The following CSMD3 variants were observed in gnomAD, a reference collection of about 807,000 sequenced individuals.
CSMD3 encodes CUB and Sushi multiple domains 3.
In CSMD3, 177 loss-of-function variants were observed where a neutral mutation model predicts 435.2. That is an observed-to-expected ratio of 0.41 (90% CI 0.36 to 0.46). CSMD3 has a LOEUF of 0.46. Among genes scored for constraint, CSMD3 ranks in the 20% least tolerant of loss-of-function variants. The pLI is 0.34. For synonymous variants in CSMD3, 1,656 were observed against 1,520.5 expected, an observed-to-expected ratio of 1.09 and a Z score of -2.07; for missense variants, 4,265 against 4,504.6, an observed-to-expected ratio of 0.95 and a Z score of 1.52.
intron 1 of CSMD3, chr8:113,377,119 C>G (rs16884568): frequency 0.08 from 100,550 of 1,259,978 alleles, 6,816 homozygotes; most frequent in African/African-American, 0.34. Context: ...CGGCGTCGTC[C>G]GGCTCTCCGG....
intron 13 of CSMD3, among the ~76,000 whole-genome samples, chr8:112,772,542 T>C (rs534578168): frequency 1.9e-4 from 29 of 152,090 alleles, no homozygotes; most frequent in Non-Finnish European, 3.5e-4. Context: ...TAGTCTGAAA[T>C]ATGGCCTCGT....
intron 12 of CSMD3, 122 bp downstream of exon 12, chr8:112,829,564 C>G (rs1739947753): frequency 1.4e-6 from 1 of 713,284 alleles, no homozygotes; most frequent in Non-Finnish European, 2.6e-6. Flanking sequence ...ACAATAATAA[C>G]TAAGTTACTG....
At chr8:112,533,464 A>T (rs924545456) in intron 27 of CSMD3, among the ~76,000 whole-genome samples, 1 of 152,106 alleles carries the variant, frequency 6.6e-6, no homozygotes, top group Non-Finnish European at 1.5e-5. Context: ...AAAGAGCAAG[A>T]GTAGCTATAC....
chr8:113,033,279 T>C (rs2087198004), intron 5 of CSMD3, among the ~76,000 whole-genome samples: 1 of 151,628 alleles, frequency 6.6e-6, no homozygotes, highest in African/African-American at 2.4e-5. Flanking sequence ...GCCACAGGCA[T>C]TCAATGCCAG....
At chr8:112,803,854 G>A (rs560674014) in intron 12 of CSMD3, among the ~76,000 whole-genome samples, 44 of 152,156 alleles carry the variant, frequency 2.9e-4, no homozygotes, top group African/African-American at 8.2e-4. Context: ...TTACAGTCCC[G>A]GGCATGGAGA....
At chr8:113,219,802 A>G (rs527664012) in intron 3 of CSMD3, among the ~76,000 whole-genome samples, 3 of 151,594 alleles carry the variant, frequency 2.0e-5, no homozygotes, top group Non-Finnish European at 1.5e-5. Flanking sequence ...TTGACCACAT[A>G]ATAACAACAG....
In CSMD3 at chr8:113,419,781, CT is replaced by C. The variant is rs903897672; in HGVS notation, c.178+16895del. Among the ~76,000 whole-genome samples, 782 of 149,084 alleles carry C rather than the reference CT, an allele frequency of 5.2e-3. 5 individuals are homozygous for C. The highest frequency in any genetic ancestry group is 0.014 in the African/African-American group (556 of 40,772). Reference sequence around the variant, plus strand: ...TATATTAGAATTATTTTTTTGCCAACTTTTTTTTTTAACCATTAGAATGAAT... The same window carrying C: ...TATATTAGAATTATTTTTTTGCCAACTTTTTTTTTAACCATTAGAATGAAT... On this transcript the variant is annotated intron_variant, in intron 1 of 70. Transcript: ENST00000297405.
chr8:113,089,290 A>C (rs2089919630), intron 5 of CSMD3, among the ~76,000 whole-genome samples: 1 of 152,184 alleles, frequency 6.6e-6, no homozygotes, highest in African/African-American at 2.4e-5. Context: ...ACTACTAGCC[A>C]ATCTGTTCTA....
chr8:112,233,943 T>C (rs1338593566), intron 68 of CSMD3, among the ~76,000 whole-genome samples: 3 of 152,204 alleles, frequency 2.0e-5, no homozygotes, highest in Non-Finnish European at 4.4e-5. Context: ...TCTGATGTAC[T>C]TTGTAAATAT....
chr8:113,082,299 C>A (rs572040372), intron 5 of CSMD3, among the ~76,000 whole-genome samples: 3 of 152,264 alleles, frequency 2.0e-5, no homozygotes, highest in Admixed American at 1.3e-4. Flanking sequence ...TGTCCACTGT[C>A]CCTGTTCCCA....
intron 10 of CSMD3, among the ~76,000 whole-genome samples, chr8:112,876,961 A>G (rs544483682): frequency 6.6e-6 from 1 of 152,302 alleles, no homozygotes; most frequent in East Asian, 1.9e-4. Flanking sequence ...CTATATACCA[A>G]CAATAGACAA....
At chr8:112,524,335 AG>A (rs1301787678) in intron 27 of CSMD3, among the ~76,000 whole-genome samples, 3 of 151,650 alleles carry the variant, frequency 2.0e-5, no homozygotes, top group Non-Finnish European at 4.4e-5. Context: ...AGTATTAGTA[AG>A]TAAAAAAAAA....
intron 27 of CSMD3, 80 bp from the exon 28 acceptor site, chr8:112,517,305 A>G: frequency 9.7e-7 from 1 of 1,027,378 alleles, no homozygotes; most frequent in South Asian, 1.5e-5. Flanking sequence ...TTAGAAAATT[A>G]ATTTTTAAAA....
At chr8:112,744,615 T>TA (rs1465909963) in intron 13 of CSMD3, among the ~76,000 whole-genome samples, 2 of 151,294 alleles carry the variant, frequency 1.3e-5, no homozygotes, top group Non-Finnish European at 1.5e-5. Context: ...AATATAGAGA[T>TA]TTTTTTTTCT....
At chr8:112,471,409 T>C (rs16883674) in intron 32 of CSMD3, among the ~76,000 whole-genome samples, 2,650 of 152,298 alleles carry the variant, frequency 0.017, 78 homozygotes, top group African/African-American at 0.06. Context: ...AACTGTCGTT[T>C]TCTTCACTAT....
At chr8:113,367,720 T>C (rs1241440234) in intron 1 of CSMD3, among the ~76,000 whole-genome samples, 1 of 152,072 alleles carries the variant, frequency 6.6e-6, no homozygotes, top group East Asian at 1.9e-4. Context: ...TTGCACTTGT[T>C]ATTTTCTGTG....
intron 18 of CSMD3, among the ~76,000 whole-genome samples, chr8:112,651,032 C>A (rs2075114069): frequency 6.6e-6 from 1 of 152,168 alleles, no homozygotes; most frequent in Admixed American, 6.5e-5. Flanking sequence ...AGAAACATTC[C>A]TGGCCCCCAC....
chr8:112,902,986 A>G lies in CSMD3; in HGVS notation c.1633+18641T>C, dbSNP rs180916601. Reference sequence around the variant, plus strand: ...ATGAGACTATCTCCAGAAGGGAATCATTGCTTCTCAGCTACTTTCCAGGTA... The same window carrying G: ...ATGAGACTATCTCCAGAAGGGAATCGTTGCTTCTCAGCTACTTTCCAGGTA... On this transcript the variant is annotated intron_variant, in intron 10 of 70. Coordinates refer to ENST00000297405, the MANE Select transcript of CSMD3 (RefSeq NM_198123.2). Among the ~76,000 whole-genome samples the G allele has an allele frequency of 8.6e-5, 13 of 151,272 alleles. No homozygotes were observed. The East Asian group carries it at 2.6e-3, about 30-fold the overall frequency.
intron 11 of CSMD3, among the ~76,000 whole-genome samples, chr8:112,855,809 C>CTTTTTTTTTTTTTTTTT (rs34885472): frequency 5.9e-5 from 8 of 135,572 alleles, no homozygotes; most frequent in Non-Finnish European, 6.3e-5. Flanking sequence ...CTTAGCGAAG[C>CTTTTTTTTTTTTTTTTT]TTTTTTTTTT....
Sources: allele counts gnomAD v4.1 joint callset (sites outside exome capture counted in the v4.1 genomes callset), GRCh38; gene constraint gnomAD v4.1.1; transcripts MANE v1.5; gene names NCBI Gene and HGNC (gene_info 2026-07-23, HGNC 2026-07-21).